Variants in ALG12 observed in about 807,000 individuals in gnomAD.
ALG12 encodes the protein ALG12 alpha-1,6-mannosyltransferase.
ALG12 carries 36 observed loss-of-function variants against 46.0 expected under a neutral mutation model. The observed-to-expected ratio is 0.78, with a 90% CI of 0.60 to 1.03. The LOEUF is 1.03. Ranked by LOEUF, ALG12 falls within the 50% of genes least tolerant of loss-of-function variation. ALG12 has a pLI of 0.00. For synonymous variants in ALG12, 326 were observed against 291.6 expected (o/e 1.12, Z -1.20); for missense variants, 599 against 633.5 (o/e 0.95, Z 0.58).
chr22:49,872,096 A>G, the ALG12 span, among the ~76,000 whole-genome samples: 11 of 152,212 alleles, frequency 7.2e-5, no homozygotes, highest in African/African-American at 2.7e-4. Flanking sequence ...TAACTCTTCT[A>G]TGAAAGAGTT....
chr22:49,916,232 G>T (rs1479969405), intron 1 of ALG12, among the ~76,000 whole-genome samples: 1 of 151,692 alleles, frequency 6.6e-6, no homozygotes, highest in Non-Finnish European at 1.5e-5. Context: ...CTGCCTGGGC[G>T]ACAGAGCAAG....
Position 49,903,900 on chromosome 22 carries a change from G to A in ALG12, c.1405C>T (p.Pro469Ser). The part of the protein sequence containing the change: ...GVSLNLTQLP[P>S]FNVHLQTKLV... ...TTTGTCTGCAGGTGGACGTTGAAGGGGGGCAGTTGGGTCAGGTTCAGACTC... is the reference window on the plus strand; with the variant it reads ...TTTGTCTGCAGGTGGACGTTGAAGGAGGGCAGTTGGGTCAGGTTCAGACTC... The change falls in exon 10 of 10, where the codon CCC (proline) becomes TCC (serine). Residue 469 changes from proline to serine, a missense_variant. Pro to Ser is a moderately conservative substitution (Grantham distance 74). Coordinates refer to ENST00000330817, the MANE Select transcript of ALG12 (RefSeq NM_024105.4). 6.2e-7 allele frequency: 1 copy of A among 1,614,256 alleles called. No homozygotes were observed. The highest frequency in any genetic ancestry group is 8.5e-7 in the Non-Finnish European group (1 of 1,180,036).
At chr22:49,876,905 G>A in the ALG12 span, among the ~76,000 whole-genome samples, 9 of 152,304 alleles carry the variant, frequency 5.9e-5, no homozygotes, top group Admixed American at 1.3e-4. Flanking sequence ...TGTTAACATC[G>A]TTCCCAGTTG....
rs186769856 is a variant in ALG12, at chr22:49,906,620, T to C, written c.992+1101A>G. Reference sequence around the variant, plus strand: ...CCGCTGCCTGAGATCAGGGACCGCATTGTGGGGCTTCCTCTCCAGCCAGAG... The same window carrying C: ...CCGCTGCCTGAGATCAGGGACCGCACTGTGGGGCTTCCTCTCCAGCCAGAG... On this transcript the variant is annotated intron_variant, in intron 7 of 9. Transcript: ENST00000330817. The surrounding 1 kb of genome is among the most constrained non-coding windows in gnomAD (Gnocchi z 4.4). Among the ~76,000 whole-genome samples, 201 of 152,278 alleles carry C rather than the reference T, an allele frequency of 1.3e-3. No homozygotes were observed. Among genetic ancestry groups the C allele is most frequent in the African/African-American group, 4.4e-3 (182 of 41,568 alleles).
At chr22:49,872,804 A>G in the ALG12 span, among the ~76,000 whole-genome samples, 16 of 151,678 alleles carry the variant, frequency 1.1e-4, no homozygotes, top group Admixed American at 1.1e-3. Context: ...TCCCAGGTTC[A>G]AGCGAATTCT....
At chr22:49,866,711 C>G in the ALG12 span, among the ~76,000 whole-genome samples, 20 of 152,100 alleles carry the variant, frequency 1.3e-4, no homozygotes, top group Non-Finnish European at 2.8e-4. Flanking sequence ...TTTTCTCATA[C>G]CCTTCTGTGA....
chr22:49,874,484 C>T, the ALG12 span, among the ~76,000 whole-genome samples: 1 of 150,846 alleles, frequency 6.6e-6, no homozygotes, highest in Non-Finnish European at 1.5e-5. Flanking sequence ...CTCCCAGGTT[C>T]AAGCGATTCT....
chr22:49,886,131 G>T, the ALG12 span: 4 of 683,654 alleles, frequency 5.9e-6, no homozygotes, highest in East Asian at 9.9e-5. The surrounding 1 kb of genome is among the most constrained non-coding windows in gnomAD (Gnocchi z 7.7). Flanking sequence ...GGGAGCACTC[G>T]AGCGTGCAGT....
In ALG12 at chr22:49,916,973, G is replaced by A. The variant is rs192992771; in HGVS notation, c.-79+1290C>T. ...TTACGTGCTGACTCTGACACTCCTGGCGGGCCCCCAGCACCTCCTCGGACC... is the reference window on the plus strand; with the variant it reads ...TTACGTGCTGACTCTGACACTCCTGACGGGCCCCCAGCACCTCCTCGGACC... On this transcript the variant is annotated intron_variant, in intron 1 of 9. Coordinates refer to ENST00000330817, the MANE Select transcript of ALG12 (RefSeq NM_024105.4). Among the ~76,000 whole-genome samples, 45 of 152,294 alleles carry A rather than the reference G, an allele frequency of 3.0e-4. No individual in the cohort carries two copies. In the East Asian group the frequency reaches 7.1e-3, roughly 24 times the overall value.
At chr22:49,907,689 A>G (rs1171852279) in intron 7 of ALG12, 32 bp downstream of exon 7, 2 of 1,600,456 alleles carry the variant, frequency 1.2e-6, no homozygotes, top group East Asian at 2.2e-5. Flanking sequence ...CAATGAAACT[A>G]TAAAAATGCA....
chr22:49,869,844 C>T, the ALG12 span, among the ~76,000 whole-genome samples: 3 of 152,178 alleles, frequency 2.0e-5, no homozygotes, highest in South Asian at 2.1e-4. Context: ...ATTCATCAGG[C>T]ACATGTGCAG....
At position 49,902,619 on chromosome 22, in the gene ALG12, GTGTA is replaced by G. The variant is rs1229667114; in HGVS notation, c.*1215_*1218del. 2 of 151,818 alleles carry G rather than the reference GTGTA, an allele frequency of 1.3e-5. No homozygotes were observed. Among genetic ancestry groups the G allele is most frequent in the African/African-American group, 5.0e-5 (2 of 39,690 alleles). 9.4% of individuals were successfully genotyped at this position (151,818 alleles called of 1,614,324 possible). A position where few individuals can be genotyped will look rare whatever the true frequency, so the allele number is the denominator to read the frequency against. On this transcript the variant is annotated 3_prime_UTR_variant, in exon 10 of 10. Transcript: ENST00000330817. ...TGCATGGTGTGTGCACGTGTGCACT[GTGTA>G]TGCATGGTAATGTGCACGTGTGCAC...
chr22:49,886,294 G>C, the ALG12 span: 2 of 1,499,716 alleles, frequency 1.3e-6, no homozygotes. The surrounding 1 kb of genome is among the most constrained non-coding windows in gnomAD (Gnocchi z 7.7). Flanking sequence ...GAGGGAGTAC[G>C]CGCTGCCTCA....
At chr22:49,904,826 G>A (rs551881328) in intron 7 of ALG12, among the ~76,000 whole-genome samples, 12 of 152,142 alleles carry the variant, frequency 7.9e-5, no homozygotes, top group African/African-American at 2.4e-4. Flanking sequence ...TGCAACCTCC[G>A]CCTCCTGGGT....
At chr22:49,877,258 ATTAT>A in the ALG12 span, among the ~76,000 whole-genome samples, 8,511 of 144,618 alleles carry the variant, frequency 0.059, 383 homozygotes, top group African/African-American at 0.12. Context: ...AAACAGCTTT[ATTAT>A]TTATTTATTT....
chr22:49,903,836 C>G lies in ALG12; in HGVS notation c.*2G>C, dbSNP rs1409815268. The G allele has an allele frequency of 6.2e-7, 1 of 1,614,134 alleles. No individual in the cohort carries two copies. Among genetic ancestry groups the G allele is most frequent in the Non-Finnish European group, 8.5e-7 (1 of 1,180,014 alleles). ...TGGCTGCTGAGGGCTGCCTGGTCCC[C>G]CTCAGGACGGCCGGGGGAGCCTCTC... On this transcript the variant is annotated 3_prime_UTR_variant, in exon 10 of 10. Coordinates refer to ENST00000330817, the MANE Select transcript of ALG12 (RefSeq NM_024105.4).
intron 3 of ALG12, among the ~76,000 whole-genome samples, chr22:49,911,292 G>GT (rs570326293): frequency 5.1e-4 from 78 of 152,368 alleles, no homozygotes; most frequent in Non-Finnish European, 8.4e-4. Flanking sequence ...CCAGGCAGCT[G>GT]TGGGGGCCAA....
chr22:49,884,688 G>C, the ALG12 span: 18 of 1,603,588 alleles, frequency 1.1e-5, no homozygotes, highest in South Asian at 1.8e-4. Flanking sequence ...TGTTGCAGGA[G>C]AACGGGGGCA....
chr22:49,880,801 G>T, the ALG12 span, among the ~76,000 whole-genome samples: 3 of 152,126 alleles, frequency 2.0e-5, no homozygotes, highest in Non-Finnish European at 4.4e-5. Context: ...GGATCATATT[G>T]AATTTATAGG....
Sources: gnomAD v4.1 joint callset for allele counts (sites outside exome capture counted in the v4.1 genomes callset) on GRCh38, gnomAD v4.1.1 for gene constraint, Gnocchi (gnomAD v3.1) non-coding constraint, MANE v1.5 for transcripts, NCBI Gene and HGNC (gene_info 2026-07-23, HGNC 2026-07-21) for gene names.